Variants in RAB6B observed in about 807,000 individuals in gnomAD.
RAB6B encodes RAB6B, member RAS oncogene family, also known as ras-related protein Rab-6B.
In RAB6B, 7 loss-of-function variants were observed where a neutral mutation model predicts 31.2. The ratio of observed to expected loss-of-function variants is 0.22; its 90% CI spans 0.13 to 0.42. The LOEUF (loss-of-function observed/expected upper bound fraction) is 0.42, where lower values mean the gene tolerates loss of function less well. RAB6B is among the 10% of genes least tolerant of loss of function. The pLI is 1.00. For missense variants in RAB6B, 149 were observed against 280.6 expected, an observed-to-expected ratio of 0.53 and a Z score of 3.35; for synonymous variants, 105 against 104.9, an observed-to-expected ratio of 1.00 and a Z score of -0.01.
intron 1 of RAB6B, among the ~76,000 whole-genome samples, chr3:133,885,822 C>T (rs1368698646): frequency 6.6e-6 from 1 of 152,190 alleles, no homozygotes; most frequent in East Asian, 1.9e-4. Context: ...AAATATACAT[C>T]TGCAGTGGAG....
At chr3:133,854,254 T>TA (rs1576399487) in intron 2 of RAB6B, among the ~76,000 whole-genome samples, 1 of 152,234 alleles carries the variant, frequency 6.6e-6, no homozygotes, top group East Asian at 1.9e-4. Flanking sequence ...TAAAGGAGAC[T>TA]ACTTCCCTCT....
chr3:133,829,284 G>A (rs979020741), intron 7 of RAB6B, among the ~76,000 whole-genome samples: 1 of 152,170 alleles, frequency 6.6e-6, no homozygotes, highest in Non-Finnish European at 1.5e-5. Context: ...TGCCTAATTG[G>A]CAGCAGGAGC....
At chr3:133,845,942 T>C (rs1935903633) in intron 2 of RAB6B, among the ~76,000 whole-genome samples, 1 of 152,096 alleles carries the variant, frequency 6.6e-6, no homozygotes, top group East Asian at 1.9e-4. Flanking sequence ...CAAAACAAAA[T>C]GGTATTTTTA....
At chr3:133,880,412 T>A (rs533612601) in intron 1 of RAB6B, among the ~76,000 whole-genome samples, 1 of 152,326 alleles carries the variant, frequency 6.6e-6, no homozygotes, top group South Asian at 2.1e-4. Flanking sequence ...ACAAGGCCAA[T>A]GGGCCCGTAA....
At chr3:133,835,036 T>C (rs1037960810) in intron 6 of RAB6B, among the ~76,000 whole-genome samples, 4 of 152,170 alleles carry the variant, frequency 2.6e-5, no homozygotes, top group Non-Finnish European at 4.4e-5. Context: ...GGACCAGGCA[T>C]GGGGAAGTGA....
At chr3:133,838,284 A>T in intron 5 of RAB6B, 25 bp from the exon 6 acceptor site, 1 of 1,601,294 alleles carries the variant, frequency 6.2e-7, no homozygotes. Flanking sequence ...AAGGGGGGAA[A>T]TCAGCTCAGC....
At chr3:133,844,756 A>G (rs923011057) in intron 2 of RAB6B, among the ~76,000 whole-genome samples, 7 of 152,138 alleles carry the variant, frequency 4.6e-5, no homozygotes, top group African/African-American at 1.2e-4. Context: ...TAGGTAACAT[A>G]GTGAGACTTT....
intron 1 of RAB6B, among the ~76,000 whole-genome samples, chr3:133,874,278 G>A (rs57405758): frequency 0.15 from 22,869 of 152,164 alleles, 2,120 homozygotes; most frequent in African/African-American, 0.26. Flanking sequence ...TGACTCTGTC[G>A]TAGTGCAAAC....
At chr3:133,873,148 A>T (rs1402130086) in intron 1 of RAB6B, among the ~76,000 whole-genome samples, 1 of 152,242 alleles carries the variant, frequency 6.6e-6, no homozygotes, top group Non-Finnish European at 1.5e-5. Context: ...ATCCTAAAGG[A>T]TCCCATCCAC....
intron 1 of RAB6B, among the ~76,000 whole-genome samples, chr3:133,878,929 T>C (rs571787166): frequency 6.6e-6 from 1 of 152,330 alleles, no homozygotes; most frequent in South Asian, 2.1e-4. Flanking sequence ...GAAAGCTCTG[T>C]GGGCAGAAGG....
At chr3:133,884,531 T>C (rs1936511647) in intron 1 of RAB6B, among the ~76,000 whole-genome samples, 1 of 152,080 alleles carries the variant, frequency 6.6e-6, no homozygotes, top group Non-Finnish European at 1.5e-5. Context: ...CTTGCTGGGG[T>C]GATGGAACCC....
chr3:133,879,094 A>C (rs1016080512), intron 1 of RAB6B, among the ~76,000 whole-genome samples: 28 of 152,162 alleles, frequency 1.8e-4, no homozygotes, highest in African/African-American at 6.8e-4. Context: ...TTCTTCATAC[A>C]TCCAATAAGG....
At chr3:133,860,752 T>C (rs1188881961) in intron 2 of RAB6B, among the ~76,000 whole-genome samples, 1 of 152,062 alleles carries the variant, frequency 6.6e-6, no homozygotes, top group Non-Finnish European at 1.5e-5. Flanking sequence ...ACTCTGAGAG[T>C]GTGTCCTCCT....
In RAB6B at chr3:133,895,846, C is replaced by G. The variant is rs753211540; in HGVS notation, c.-380G>C. ...CTCCAGAGCCGCGCCAGTCGGCCCC[C>G]TCCCGCCTGCCTCCTCCGCCGGCGC... On this transcript the variant is annotated 5_prime_UTR_variant, in exon 1 of 8. Transcript: ENST00000285208. The G allele has an allele frequency of 7.7e-4, 158 of 205,464 alleles. No homozygotes were observed. The highest frequency in any genetic ancestry group is 1.3e-3 in the Admixed American group (22 of 16,582). 12.7% of individuals were successfully genotyped at this position (205,464 alleles called of 1,614,324 possible). A position where few individuals can be genotyped will look rare whatever the true frequency, so the allele number is the denominator to read the frequency against.
intron 2 of RAB6B, among the ~76,000 whole-genome samples, chr3:133,843,703 CT>C (rs1374784517): frequency 1.3e-5 from 2 of 152,200 alleles, no homozygotes; most frequent in African/African-American, 4.8e-5. Context: ...TCCCAGCCTT[CT>C]TTGCAGCTGG....
chr3:133,851,625 A>T (rs1356233904), intron 2 of RAB6B, among the ~76,000 whole-genome samples: 2 of 152,156 alleles, frequency 1.3e-5, no homozygotes, highest in Non-Finnish European at 1.5e-5. Context: ...CATGGGTGTG[A>T]AAGATGTAGA....
chr3:133,825,530 C>T lies in RAB6B; in HGVS notation c.*3258G>A, dbSNP rs1012744619. ...GAAACTGCTGCCAACAGCTACCAAG[C>T]CAACTAGCCTTGGATCACACAACTG... On this transcript the variant is annotated 3_prime_UTR_variant, in exon 8 of 8. Transcript: ENST00000285208. 2.6e-5 allele frequency: 4 copies of T among 152,254 alleles called. No homozygotes were observed. Among genetic ancestry groups the T allele is most frequent in the African/African-American group, 9.6e-5 (4 of 41,452 alleles). 9.4% of individuals were successfully genotyped at this position (152,254 alleles called of 1,614,324 possible). A position where few individuals can be genotyped will look rare whatever the true frequency, so the allele number is the denominator to read the frequency against.
At chr3:133,887,237 T>C (rs1936561599) in intron 1 of RAB6B, among the ~76,000 whole-genome samples, 1 of 152,180 alleles carries the variant, frequency 6.6e-6, no homozygotes, top group Non-Finnish European at 1.5e-5. Context: ...AAGACACACC[T>C]CCTGGAAGCA....
Position 133,875,185 on chromosome 3 carries a change from T to C in RAB6B, c.71-10543A>G, listed in dbSNP as rs538835373. On this transcript the variant is annotated intron_variant, in intron 1 of 7. Transcript: ENST00000285208. Reference sequence around the variant, plus strand: ...ATGCGGTCTGTCGTTAACCAAAACATTGCTATGCAGCACATGACTATATAT... The same window carrying C: ...ATGCGGTCTGTCGTTAACCAAAACACTGCTATGCAGCACATGACTATATAT... Among the ~76,000 whole-genome samples, 99 of 152,342 alleles carry C rather than the reference T, an allele frequency of 6.5e-4. 3 individuals are homozygous for C. Among genetic ancestry groups the C allele is most frequent in the Admixed American group, 4.5e-3 (69 of 15,304 alleles).
Sources: gnomAD v4.1 joint callset for allele counts (sites outside exome capture counted in the v4.1 genomes callset) on GRCh38, gnomAD v4.1.1 for gene constraint, MANE v1.5 for transcripts, NCBI Gene and HGNC (gene_info 2026-07-23, HGNC 2026-07-21) for gene names.